The following DYDC2 variants were observed in gnomAD, a reference collection of about 807,000 sequenced individuals.
DYDC2 encodes the protein DPY30 domain containing 2, also known as DPY30 domain-containing protein 2.
A neutral mutation model predicts 18.7 loss-of-function variants in DYDC2; 19 were observed. The ratio of observed to expected loss-of-function variants is 1.02; its 90% CI spans 0.71 to 1.49. The LOEUF (loss-of-function observed/expected upper bound fraction) is 1.49, where lower values mean the gene tolerates loss of function less well. DYDC2 is among the 40% of genes most tolerant of loss of function. The pLI is 0.00. For synonymous variants in DYDC2, 63 were observed against 67.6 expected (o/e 0.93, Z 0.34); for missense variants, 179 against 205.1 (o/e 0.87, Z 0.78).
intron 2 of DYDC2, among the ~76,000 whole-genome samples, chr10:80,358,803 C>T (rs1044195782): frequency 6.6e-6 from 1 of 152,096 alleles, no homozygotes; most frequent in Non-Finnish European, 1.5e-5. Context: ...AGAATGAAGC[C>T]GTGGACCCTC....
chr10:80,345,483 TG>T (rs1427713630), intron 1 of DYDC2, among the ~76,000 whole-genome samples: 1 of 152,164 alleles, frequency 6.6e-6, no homozygotes, highest in African/African-American at 2.4e-5. Context: ...ACAATCTTAT[TG>T]GCTATCATCC....
At chr10:80,352,664 T>C (rs1843074592), upstream of DYDC2, 2 of 1,546,522 alleles carry the variant, frequency 1.3e-6, no homozygotes, top group East Asian at 2.3e-5. Flanking sequence ...AAAGTCACTA[T>C]AAAACTAAAG....
chr10:80,347,028 T>C (rs1426150672), intron 1 of DYDC2, among the ~76,000 whole-genome samples: 1 of 151,238 alleles, frequency 6.6e-6, no homozygotes, highest in Non-Finnish European at 1.5e-5. Context: ...TGGAGTGAGC[T>C]AAGATCACGC....
chr10:80,363,097 G>C (rs1378859404), intron 4 of DYDC2, 24 bp downstream of exon 4: 1 of 1,600,942 alleles, frequency 6.2e-7, no homozygotes, highest in South Asian at 1.1e-5. Context: ...CTCAGCTTTG[G>C]GTTGCCACAC....
upstream of DYDC2, chr10:80,356,732 G>C (rs577367487): frequency 2.6e-5 from 26 of 985,272 alleles, no homozygotes; most frequent in Admixed American, 6.2e-5. Context: ...GCGCCTGCTC[G>C]CCACCCAGGA....
chr10:80,353,589 C>T (rs969484858), upstream of DYDC2, among the ~76,000 whole-genome samples: 12 of 151,752 alleles, frequency 7.9e-5, no homozygotes, highest in East Asian at 1.4e-3. Context: ...CAGTGGCTCA[C>T]GCCTGTAATC....
rs189388455 is a variant in DYDC2, at chr10:80,362,467, G to T, written c.24G>T (p.Arg8Ser). The T allele has an allele frequency of 3.7e-6, 6 of 1,613,774 alleles. No individual in the cohort carries two copies. The highest frequency in any genetic ancestry group is 3.3e-5 in the Admixed American group (2 of 59,994). The stretch of plus-strand genomic sequence containing the variant: ...GGATGGAAACTAACTACCTGAAGAG[G>T]TGCTTTGGAAATTGCCTGGCCCAGG... METNYLKRCFGNCLAQAL... is the reference protein window; with the variant it reads METNYLKSCFGNCLAQAL... The change falls in exon 3 of 5, where the codon AGG (arginine) becomes AGT (serine). Residue 8 changes from arginine to serine, a missense_variant. Physicochemically the swap from Arg to Ser is moderately radical, Grantham distance 110 (BLOSUM62 -1). Coordinates refer to ENST00000256039, the MANE Select transcript of DYDC2 (RefSeq NM_032372.6).
At chr10:80,356,361 G>A, upstream of DYDC2, 5 of 985,874 alleles carry the variant, frequency 5.1e-6, no homozygotes, top group Non-Finnish European at 6.0e-6. Context: ...ACCCACACCT[G>A]GGAGACAGCT....
intron 3 of DYDC2, 91 bp from the exon 4 acceptor site, chr10:80,362,860 C>T: frequency 1.3e-6 from 2 of 1,495,512 alleles, no homozygotes; most frequent in South Asian, 2.7e-5. Flanking sequence ...GCCCAAAGAG[C>T]CCACAGCCCA....
chr10:80,365,697 C>T (rs899071364), intron 4 of DYDC2, among the ~76,000 whole-genome samples: 4 of 152,122 alleles, frequency 2.6e-5, no homozygotes, highest in Admixed American at 2.6e-4. Context: ...TCAATATTGT[C>T]TCATAGGTCA....
At chr10:80,365,887 A>G (rs796370638) in intron 4 of DYDC2, among the ~76,000 whole-genome samples, 60 of 152,276 alleles carry the variant, frequency 3.9e-4, no homozygotes, top group African/African-American at 1.4e-3. Flanking sequence ...TTTTTTAAAT[A>G]TAATTCTCAT....
chr10:80,362,891 G>T (rs1403158852), intron 3 of DYDC2, 60 bp from the exon 4 acceptor site: 2 of 1,576,264 alleles, frequency 1.3e-6, no homozygotes. Context: ...CAGTGAGGGG[G>T]CCCCGTTTAT....
chr10:80,350,916 C>A (rs551357280), intron 1 of DYDC2, among the ~76,000 whole-genome samples: 3 of 152,268 alleles, frequency 2.0e-5, no homozygotes, highest in East Asian at 3.9e-4. Context: ...ATCATGCTAC[C>A]CCAATCCTGC....
chr10:80,349,409 G>C (rs1842856663), intron 1 of DYDC2, among the ~76,000 whole-genome samples: 1 of 151,946 alleles, frequency 6.6e-6, no homozygotes, highest in Admixed American at 6.6e-5. Context: ...ATGCCATAAT[G>C]CCTTCATAAT....
At chr10:80,357,492 G>A (rs1035742729) in intron 1 of DYDC2, among the ~76,000 whole-genome samples, 3 of 152,154 alleles carry the variant, frequency 2.0e-5, no homozygotes, top group Non-Finnish European at 4.4e-5. Context: ...ACCAGGAAGG[G>A]CAGCCAATCG....
intron 1 of DYDC2, among the ~76,000 whole-genome samples, chr10:80,346,200 T>A (rs929171241): frequency 6.6e-6 from 1 of 152,164 alleles, no homozygotes; most frequent in Admixed American, 6.5e-5. Context: ...TGTTTCCAAA[T>A]CTTGGCTATT....
chr10:80,353,472 T>C (rs1843133756), upstream of DYDC2, among the ~76,000 whole-genome samples: 1 of 150,460 alleles, frequency 6.6e-6, no homozygotes, highest in Non-Finnish European at 1.5e-5. Flanking sequence ...GACCAGATTG[T>C]TTTTAAAACA....
chr10:80,348,194 G>A (rs931651447), intron 1 of DYDC2, among the ~76,000 whole-genome samples: 1 of 152,016 alleles, frequency 6.6e-6, no homozygotes, highest in Non-Finnish European at 1.5e-5. Context: ...TTATTCCTAC[G>A]TATATTATTC....
intron 4 of DYDC2, among the ~76,000 whole-genome samples, chr10:80,363,813 TA>T (rs1843741360): frequency 1.3e-5 from 2 of 152,252 alleles, no homozygotes; most frequent in Admixed American, 6.5e-5. Flanking sequence ...TTTGGTTTAT[TA>T]TATTCTATTT....
Sources: allele counts gnomAD v4.1 joint callset (sites outside exome capture counted in the v4.1 genomes callset), GRCh38; gene constraint gnomAD v4.1.1; transcripts MANE v1.5; gene names NCBI Gene and HGNC (gene_info 2026-07-23, HGNC 2026-07-21).